Variants in DNAH5 observed in about 807,000 individuals in gnomAD.
The protein encoded by DNAH5 is axonemal beta dynein heavy chain 5.
DNAH5 carries 372 observed loss-of-function variants against 518.2 expected under a neutral mutation model. The observed-to-expected ratio is 0.72, with a 90% CI of 0.66 to 0.78. The LOEUF (loss-of-function observed/expected upper bound fraction) is 0.78, where lower values mean the gene tolerates loss of function less well. Among genes scored for constraint, DNAH5 ranks in the 30% least tolerant of loss-of-function variants. The pLI is 0.00. For synonymous variants in DNAH5, 2,039 were observed against 2,025.9 expected, an observed-to-expected ratio of 1.01 and a Z score of -0.17; for missense variants, 5,523 against 5,687.0, an observed-to-expected ratio of 0.97 and a Z score of 0.93.
At chr5:13,865,933 T>C in intron 26 of DNAH5, 27 bp from the exon 27 acceptor site, 1 of 1,409,260 alleles carries the variant, frequency 7.1e-7, no homozygotes, top group Non-Finnish European at 1.0e-6. Context: ...TGAAAACGCA[T>C]CAAAATGATT....
In DNAH5 at chr5:13,753,253, C is replaced by T. The variant is rs201307192; in HGVS notation, c.10852G>A (p.Glu3618Lys). Reference sequence around the variant, plus strand: ...ATTACCTGGAGTTCATTTCGGCTTTCTTTATTTTTAATCCAGATCTTGCCT... The same window carrying T: ...ATTACCTGGAGTTCATTTCGGCTTTTTTTATTTTTAATCCAGATCTTGCCT... ...TQGKIWIKNKESRNELQITSL... is the reference protein window; with the variant it reads ...TQGKIWIKNKKSRNELQITSL... Residue 3618 changes from glutamate (E) to lysine (K), a missense_variant, in exon 63 of 79, where the codon GAA (glutamate) becomes AAA (lysine). Glu to Lys is a moderately conservative substitution (Grantham distance 56). Around this residue, in one of 3 missense-constraint regions of DNAH5, gnomAD observed 5,121 missense variants for 5,223.3 expected, o/e 0.98. Transcript: ENST00000265104. The T allele has an allele frequency of 1.2e-5, 19 of 1,613,796 alleles. No individual in the cohort carries two copies. In the South Asian group the frequency reaches 1.8e-4, roughly 15 times the overall value.
intron 1 of DNAH5, among the ~76,000 whole-genome samples, chr5:13,934,185 T>C (rs1427592110): frequency 1.3e-5 from 2 of 152,170 alleles, no homozygotes; most frequent in African/African-American, 4.8e-5. Flanking sequence ...GGAGACCACA[T>C]GGAGGAGAAC....
At chr5:13,840,285 T>C (rs1764986013) in intron 34 of DNAH5, among the ~76,000 whole-genome samples, 1 of 152,200 alleles carries the variant, frequency 6.6e-6, no homozygotes, top group Admixed American at 6.5e-5. Flanking sequence ...AAAATTATTA[T>C]GAGAATAAGA....
Position 13,735,139 on chromosome 5 carries a change from A to G in DNAH5, c.11753T>C (p.Leu3918Pro), listed in dbSNP as rs2126606502. 1 of 1,614,100 alleles carries G rather than the reference A, an allele frequency of 6.2e-7. No individual in the cohort carries two copies. Among genetic ancestry groups the G allele is most frequent in the Non-Finnish European group, 8.5e-7 (1 of 1,179,966 alleles). ...TCTATTCTTATATTGACCTTTAATAAGAGTGAGAAACTCTTCATGCTTGAC... is the reference window on the plus strand; with the variant it reads ...TCTATTCTTATATTGACCTTTAATAGGAGTGAGAAACTCTTCATGCTTGAC... ...NRVKHEEFLTLIKGGASLDLK... is the reference protein window; with the variant it reads ...NRVKHEEFLTPIKGGASLDLK... The change falls in exon 68 of 79, where the codon CTT (leucine) becomes CCT (proline). Residue 3918 changes from leucine to proline, a missense_variant. Physicochemically the swap from Leu to Pro is moderately conservative, Grantham distance 98. This residue lies in a region of DNAH5 where 5,121 missense variants were observed against 5,223.3 expected (regional missense o/e 0.98). Transcript: ENST00000265104.
At chr5:13,935,646 G>T (rs1778855510) in intron 1 of DNAH5, among the ~76,000 whole-genome samples, 1 of 152,140 alleles carries the variant, frequency 6.6e-6, no homozygotes, top group South Asian at 2.1e-4. Context: ...TACTGAAATT[G>T]CTTTTTAACT....
At chr5:13,733,992 T>G (rs1398342756) in intron 68 of DNAH5, among the ~76,000 whole-genome samples, 1 of 152,048 alleles carries the variant, frequency 6.6e-6, no homozygotes, top group South Asian at 2.1e-4. Flanking sequence ...TGTTATGGGA[T>G]GAATATTGTG....
intron 7 of DNAH5, 92 bp downstream of exon 7, chr5:13,919,084 C>T: frequency 1.4e-6 from 2 of 1,480,828 alleles, no homozygotes; most frequent in East Asian, 2.3e-5. Context: ...GGTATAATAA[C>T]ATTTTTTTGT....
intron 1 of DNAH5, among the ~76,000 whole-genome samples, chr5:14,004,029 C>T (rs1160015513): frequency 6.6e-6 from 1 of 152,246 alleles, no homozygotes; most frequent in African/African-American, 2.4e-5. Context: ...ATGATTGTTG[C>T]TATTTCAAGT....
Position 13,824,288 on chromosome 5 carries a change from T to C in DNAH5, c.6490A>G (p.Thr2164Ala), listed in dbSNP as rs1181995095. ...TTGGCTCTTTTTGCTGCTCCCAAGGTCCGAAGAACTGACAGAATGTTACGC... is the reference window on the plus strand; with the variant it reads ...TTGGCTCTTTTTGCTGCTCCCAAGGCCCGAAGAACTGACAGAATGTTACGC... ...GLRNILSVLR[T>A]LGAAKRANPM... is the part of the protein sequence containing the mutation. Residue 2164 changes from threonine to alanine, a missense_variant, in exon 39 of 79, where the codon ACC becomes GCC. Thr to Ala is a moderately conservative substitution (Grantham distance 58). Transcript: ENST00000265104. 1.9e-6 allele frequency: 3 copies of C among 1,613,912 alleles called. No individual in the cohort carries two copies. In the African/African-American group the frequency reaches 4.0e-5, roughly 22 times the overall value.
intron 1 of DNAH5, among the ~76,000 whole-genome samples, chr5:13,950,543 T>A (rs1780307265): frequency 6.6e-6 from 1 of 152,162 alleles, no homozygotes; most frequent in Non-Finnish European, 1.5e-5. Context: ...CCCAAAGTGC[T>A]GGGATTACAG....
chr5:13,916,324 ATGGAC>A lies in DNAH5; in HGVS notation c.1197+19_1197+23del. On this transcript the variant is annotated intron_variant, in intron 9 of 78. Coordinates refer to ENST00000265104, the MANE Select transcript of DNAH5 (RefSeq NM_001369.3). ...CACTGGCAAAGAAATACAAATGAAC[ATGGAC>A]TCTACATCATGCACTTACCTTTACA... 1 of 1,253,814 alleles carries A rather than the reference ATGGAC, an allele frequency of 8.0e-7. No individual in the cohort carries two copies. The highest frequency in any genetic ancestry group is 1.5e-5 in the African/African-American group (1 of 67,968). 77.7% of individuals were successfully genotyped at this position (1,253,814 alleles called of 1,614,324 possible).
rs182464883 is a variant in DNAH5 at position 13,759,149 on chromosome 5, C to T, written c.10282-166G>A. On this transcript the variant is annotated intron_variant, in intron 60 of 78. Coordinates refer to ENST00000265104, the MANE Select transcript of DNAH5 (RefSeq NM_001369.3). ...AGTCCTGAACAAATCTTAATGTGAA[C>T]TTGACATAAATGTGTATAAGCAGAA... Among the ~76,000 whole-genome samples the T allele has an allele frequency of 3.3e-5, 5 of 152,316 alleles. No individual in the cohort carries two copies. The East Asian group carries it at 9.7e-4, about 29-fold the overall frequency.
chr5:13,692,992 A>C (rs537181044), intron 78 of DNAH5, among the ~76,000 whole-genome samples: 1 of 152,338 alleles, frequency 6.6e-6, no homozygotes, highest in African/African-American at 2.4e-5. Flanking sequence ...GCCTGTGAGC[A>C]GCCTGGGAGT....
intron 1 of DNAH5, among the ~76,000 whole-genome samples, chr5:13,963,516 T>G (rs572400922): frequency 6.6e-6 from 1 of 151,824 alleles, no homozygotes; most frequent in Admixed American, 6.6e-5. Flanking sequence ...GAGGCAGAGG[T>G]TGCAGTGAGC....
chr5:13,730,636 G>A (rs551547651), intron 68 of DNAH5, among the ~76,000 whole-genome samples: 5 of 150,562 alleles, frequency 3.3e-5, no homozygotes, highest in South Asian at 2.1e-4. Context: ...AGGTTTCACC[G>A]TGTTAGCCAG....
intron 65 of DNAH5, among the ~76,000 whole-genome samples, chr5:13,740,654 C>T (rs1748366826): frequency 6.6e-6 from 1 of 151,960 alleles, no homozygotes; most frequent in Non-Finnish European, 1.5e-5. Flanking sequence ...CTTTGAGACT[C>T]ACTGTCTTAA....
rs1423192314 is a variant in DNAH5 at position 13,721,056 on chromosome 5, T to C, written c.12223A>G (p.Met4075Val). The C allele has an allele frequency of 6.2e-6, 10 of 1,614,020 alleles. No individual in the cohort carries two copies. Among genetic ancestry groups the C allele is most frequent in the Admixed American group, 5.0e-5 (3 of 59,996 alleles). The change falls in exon 71 of 79, where the codon ATG becomes GTG. Residue 4075 changes from methionine (M) to valine (V), a missense_variant. Around this residue, in one of 3 missense-constraint regions of DNAH5, gnomAD observed 5,121 missense variants for 5,223.3 expected, o/e 0.98. Coordinates refer to ENST00000265104, the MANE Select transcript of DNAH5 (RefSeq NM_001369.3). ...GCATGGACTTCCTGGCCCTGGCCCA[T>C]GGACACATAACGGGTTTCTATTTTT... ...RLKIETRYVS[M>V]GQGQEVHARK...
intron 77 of DNAH5, 76 bp from the exon 78 acceptor site, chr5:13,700,947 C>G: frequency 6.9e-7 from 1 of 1,443,188 alleles, no homozygotes; most frequent in Admixed American, 1.7e-5. Context: ...ATAATGAAAG[C>G]TTGGCTCCGA....
At chr5:13,955,835 T>C (rs1561003113) in intron 1 of DNAH5, among the ~76,000 whole-genome samples, 1 of 152,240 alleles carries the variant, frequency 6.6e-6, no homozygotes. Flanking sequence ...ATTAGTTCTA[T>C]TTAACTCTGG....
Sources: allele counts gnomAD v4.1 joint callset (sites outside exome capture counted in the v4.1 genomes callset), GRCh38; gene constraint gnomAD v4.1.1; regional missense constraint gnomAD v4.1.1; transcripts MANE v1.5; gene names NCBI Gene and HGNC (gene_info 2026-07-23, HGNC 2026-07-21).